RBM27: variants seen among roughly 807,000 people sequenced by gnomAD.
The protein encoded by RBM27 is RNA binding motif protein 27.
Under a neutral mutation model 135.3 loss-of-function variants are expected in RBM27, and 22 were observed. The ratio of observed to expected loss-of-function variants is 0.16; its 90% CI spans 0.12 to 0.23. The LOEUF (loss-of-function observed/expected upper bound fraction) is 0.23. Among genes scored for constraint, RBM27 ranks in the 10% least tolerant of loss-of-function variants. The pLI, the probability that RBM27 is intolerant of heterozygous loss-of-function variation, is 1.00. For synonymous variants in RBM27, 481 were observed against 442.4 expected (o/e 1.09, Z -1.10); for missense variants, 1,009 against 1,281.0 (o/e 0.79, Z 3.24).
intron 18 of RBM27, 21 bp downstream of exon 18, chr5:146,271,079 G>A (rs367724564): frequency 8.9e-6 from 14 of 1,565,130 alleles, no homozygotes; most frequent in East Asian, 2.2e-5. Context: ...AAAGGAGTTA[G>A]CGCCCCACCA....
chr5:146,224,025 A>G (rs1756565668), intron 3 of RBM27, among the ~76,000 whole-genome samples: 2 of 152,192 alleles, frequency 1.3e-5, no homozygotes, highest in African/African-American at 4.8e-5. Flanking sequence ...TATAGATGGT[A>G]ACCTAATTGT....
At chr5:146,282,240 A>C (rs1349166326) in intron 19 of RBM27, among the ~76,000 whole-genome samples, 7 of 152,128 alleles carry the variant, frequency 4.6e-5, no homozygotes, top group Non-Finnish European at 8.8e-5. Flanking sequence ...TGCTGACCTC[A>C]GGTGATCCGC....
chr5:146,203,846 G>C (rs62373826), intron 1 of RBM27, 22 bp downstream of exon 1: 67 of 1,543,628 alleles, frequency 4.3e-5, no homozygotes, highest in Non-Finnish European at 5.5e-5. Context: ...GGGCTGGGCC[G>C]GGGCCGGCGA....
chr5:146,267,204 T>C (rs1561560897), intron 14 of RBM27, among the ~76,000 whole-genome samples: 1 of 152,228 alleles, frequency 6.6e-6, no homozygotes, highest in Non-Finnish European at 1.5e-5. Flanking sequence ...CAGGCATAAA[T>C]TCTATGATAG....
Position 146,277,209 on chromosome 5 carries a change from C to A in RBM27, c.2988+5535C>A, listed in dbSNP as rs144986830. Among the ~76,000 whole-genome samples, 6 of 152,246 alleles carry A rather than the reference C, an allele frequency of 3.9e-5. No homozygotes were observed. The East Asian group carries it at 9.6e-4, about 24-fold the overall frequency. On this transcript the variant is annotated intron_variant, in intron 19 of 20. Coordinates refer to ENST00000265271, the MANE Select transcript of RBM27 (RefSeq NM_018989.2). Reference sequence around the variant, plus strand: ...AATACAAATTATAAAGGAGAAGGCACAACAAATTTGAAATCTTACCAATTA... The same window carrying A: ...AATACAAATTATAAAGGAGAAGGCAAAACAAATTTGAAATCTTACCAATTA...
chr5:146,220,855 A>G (rs947159402), intron 2 of RBM27, among the ~76,000 whole-genome samples: 3 of 152,222 alleles, frequency 2.0e-5, no homozygotes, highest in Admixed American at 6.5e-5. Flanking sequence ...CAAAAGAGAA[A>G]GCAAAACATA....
intron 10 of RBM27, among the ~76,000 whole-genome samples, chr5:146,258,113 C>G (rs1248535588): frequency 6.6e-6 from 1 of 152,194 alleles, no homozygotes; most frequent in Non-Finnish European, 1.5e-5. Context: ...GCCACCGTGC[C>G]TGGCCCAGAG....
chr5:146,256,436 G>A (rs375742527), intron 10 of RBM27, among the ~76,000 whole-genome samples: 2 of 150,568 alleles, frequency 1.3e-5, no homozygotes, highest in South Asian at 2.1e-4. Flanking sequence ...TGCAACCTCC[G>A]CCTCCTGGGT....
chr5:146,274,927 C>T (rs939215209), intron 19 of RBM27, among the ~76,000 whole-genome samples: 1 of 151,714 alleles, frequency 6.6e-6, no homozygotes, highest in Non-Finnish European at 1.5e-5. Flanking sequence ...TTTACATTGT[C>T]TTCTCTCCTT....
At chr5:146,270,315 A>C (rs1217360045) in intron 17 of RBM27, among the ~76,000 whole-genome samples, 3 of 151,786 alleles carry the variant, frequency 2.0e-5, no homozygotes, top group Non-Finnish European at 4.4e-5. Flanking sequence ...GATATGTAGA[A>C]TGTAAATTGT....
intron 3 of RBM27, among the ~76,000 whole-genome samples, chr5:146,226,982 G>T (rs1756707309): frequency 6.6e-6 from 1 of 152,152 alleles, no homozygotes; most frequent in Non-Finnish European, 1.5e-5. Flanking sequence ...ACACATCTTT[G>T]GCTAATTGTC....
At position 146,220,249 on chromosome 5, in the gene RBM27, G is replaced by A. The variant is rs562709866; in HGVS notation, c.178+1146G>A. On this transcript the variant is annotated intron_variant, in intron 2 of 20. Transcript: ENST00000265271. ...TCCCAGCACTTTGGGAGGCCGAAGC[G>A]GGTGGATCATGAGGTCAAGAGATCG... Among the ~76,000 whole-genome samples, 19 of 152,186 alleles carry A rather than the reference G, an allele frequency of 1.2e-4. No homozygotes were observed. In the South Asian group the frequency reaches 1.9e-3, roughly 15 times the overall value.
chr5:146,229,645 T>C (rs1033092530), intron 4 of RBM27, 72 bp from the exon 5 acceptor site: 18 of 1,314,082 alleles, frequency 1.4e-5, no homozygotes, highest in Non-Finnish European at 1.8e-5. Flanking sequence ...AAGAGTAGTA[T>C]TTATACTATA....
intron 1 of RBM27, among the ~76,000 whole-genome samples, chr5:146,214,783 A>G (rs756042643): frequency 7.2e-5 from 11 of 152,296 alleles, no homozygotes; most frequent in Non-Finnish European, 1.0e-4. Flanking sequence ...AAATGGTCCT[A>G]TTCCTTTGGC....
At chr5:146,277,571 G>A (rs1455813057) in intron 19 of RBM27, among the ~76,000 whole-genome samples, 5 of 138,738 alleles carry the variant, frequency 3.6e-5, no homozygotes, top group African/African-American at 5.5e-5. Flanking sequence ...CACCCAGGCT[G>A]GAGTGCAGTG....
At chr5:146,261,103 C>T (rs1024599203) in intron 12 of RBM27, among the ~76,000 whole-genome samples, 13 of 152,202 alleles carry the variant, frequency 8.5e-5, no homozygotes, top group African/African-American at 3.1e-4. Flanking sequence ...TGGTTCTTTT[C>T]TGCAATCTCT....
At chr5:146,237,463 C>G (rs200111109) in intron 8 of RBM27, 31 bp downstream of exon 8, 1 of 1,610,764 alleles carries the variant, frequency 6.2e-7, no homozygotes. Context: ...TTAAAATTGA[C>G]AGGGTATAGA....
intron 1 of RBM27, among the ~76,000 whole-genome samples, chr5:146,216,848 G>A (rs1168883738): frequency 6.6e-6 from 1 of 152,068 alleles, no homozygotes; most frequent in African/African-American, 2.4e-5. Flanking sequence ...TGTAGAGACC[G>A]GATCTCGCTA....
At position 146,277,241 on chromosome 5, in the gene RBM27, T is replaced by C. The variant is rs191627912; in HGVS notation, c.2988+5567T>C. 2.1e-3 allele frequency among the ~76,000 whole-genome samples: 314 copies of C among 152,334 alleles called. 3 individuals are homozygous for C. The highest frequency in any genetic ancestry group is 7.1e-3 in the African/African-American group (296 of 41,578). ...TTTGAAATCTTACCAATTACATTTTTATGAACATCTTTCTAGCACCTGTAT... is the reference window on the plus strand; with the variant it reads ...TTTGAAATCTTACCAATTACATTTTCATGAACATCTTTCTAGCACCTGTAT... On this transcript the variant is annotated intron_variant, in intron 19 of 20. Coordinates refer to ENST00000265271, the MANE Select transcript of RBM27 (RefSeq NM_018989.2).
Sources: allele counts gnomAD v4.1 joint callset (sites outside exome capture counted in the v4.1 genomes callset), GRCh38; gene constraint gnomAD v4.1.1; transcripts MANE v1.5; gene names NCBI Gene and HGNC (gene_info 2026-07-23, HGNC 2026-07-21).